Variants in OPRK1 observed in about 807,000 individuals in gnomAD.
The protein encoded by OPRK1 is opioid receptor kappa 1.
A neutral mutation model predicts 24.5 loss-of-function variants in OPRK1; 15 were observed. That is an observed-to-expected ratio of 0.61 (90% CI 0.41 to 0.94). OPRK1 has a LOEUF of 0.94. Ranked by LOEUF, OPRK1 falls within the 40% of genes least tolerant of loss-of-function variation. The probability of loss-of-function intolerance (pLI) is 0.00; values close to 1 mark genes in which losing one functional copy is unlikely to be tolerated. For missense variants in OPRK1, 479 were observed against 507.3 expected (o/e 0.94, Z 0.54); for synonymous variants, 205 against 198.0 (o/e 1.04, Z -0.30).
rs1806765731 is a variant in OPRK1 at position 53,228,429 on chromosome 8, C to T, written c.*868G>A. 6.6e-6 allele frequency: 1 copy of T among 152,172 alleles called. No individual in the cohort carries two copies. Among genetic ancestry groups the T allele is most frequent in the African/African-American group, 2.4e-5 (1 of 41,432 alleles). The allele number at this position is 152,172 out of a possible 1,614,324, so 9.4% of individuals were successfully genotyped here. On this transcript the variant is annotated 3_prime_UTR_variant, in exon 4 of 4. Transcript: ENST00000265572. The stretch of plus-strand genomic sequence containing the variant: ...GCAAAATGTCTCAGCATCAACTTAG[C>T]AACTCAGGGGATATCATTAGTGTGC...
intron 2 of OPRK1, among the ~76,000 whole-genome samples, chr8:53,241,298 C>A (rs1237157905): frequency 6.6e-6 from 1 of 152,130 alleles, no homozygotes. Context: ...CTAAATTTTT[C>A]AGTCAGTTTC....
At chr8:53,242,770 T>G in intron 2 of OPRK1, 1 of 1,166,014 alleles carries the variant, frequency 8.6e-7, no homozygotes, top group South Asian at 1.6e-5. Context: ...CCTCCCAAAG[T>G]GCTGGGATTA....
intron 3 of OPRK1, among the ~76,000 whole-genome samples, chr8:53,233,462 A>G (rs549613958): frequency 1.8e-4 from 27 of 152,330 alleles, no homozygotes; most frequent in African/African-American, 6.5e-4. Context: ...AAGACAAGCT[A>G]TGATTTTAGT....
chr8:53,235,497 G>A (rs1308781028), intron 2 of OPRK1, among the ~76,000 whole-genome samples: 1 of 150,504 alleles, frequency 6.6e-6, no homozygotes, highest in Non-Finnish European at 1.5e-5. Context: ...CATTCTCTTT[G>A]ACTTGTTTAA....
chr8:53,242,915 G>A (rs1192259248), intron 2 of OPRK1: 2 of 1,288,126 alleles, frequency 1.6e-6, no homozygotes, highest in African/African-American at 3.0e-5. Context: ...ATTCCAACCT[G>A]TTTGGCCAAT....
Position 53,229,314 on chromosome 8 carries a change from T to C in OPRK1, c.1126A>G (p.Met376Val). Residue 376 changes from methionine (M) to valine (V), a missense_variant, in exon 4 of 4, where the codon ATG becomes GTG. Transcript: ENST00000265572. ...DPAYLRDIDG[M>V]NKPV Reference sequence around the variant, plus strand: ...ACGACTAGTCATACTGGTTTATTCATCCCATCGATGTCCCTCAGGTAAGCA... The same window carrying C: ...ACGACTAGTCATACTGGTTTATTCACCCCATCGATGTCCCTCAGGTAAGCA... 6.2e-7 allele frequency: 1 copy of C among 1,613,832 alleles called. No homozygotes were observed. Among genetic ancestry groups the C allele is most frequent in the South Asian group, 1.1e-5 (1 of 91,028 alleles).
At position 53,229,423 on chromosome 8, in the gene OPRK1, C is replaced by A; in HGVS notation, c.1017G>T (p.Arg339=). The A allele has an allele frequency of 6.2e-7, 1 of 1,614,206 alleles. No individual in the cohort carries two copies. The highest frequency in any genetic ancestry group is 8.5e-7 in the Non-Finnish European group (1 of 1,180,044). The change falls in exon 4 of 4, where the codon CGG becomes CGT. Residue 339 remains arginine, a synonymous_variant. Coordinates refer to ENST00000265572, the MANE Select transcript of OPRK1 (RefSeq NM_000912.5). ...LYAFLDENFK[R]CFRDFCFPLK... Reference sequence around the variant, plus strand: ...GTGGAAAGCAGAAGTCCCGGAAACACCGCTTGAAGTTTTCATCAAGAAAGG... The same window carrying A: ...GTGGAAAGCAGAAGTCCCGGAAACAACGCTTGAAGTTTTCATCAAGAAAGG...
At chr8:53,235,255 G>A (rs1319590628) in intron 2 of OPRK1, 144 bp from the exon 3 acceptor site, 2 of 633,470 alleles carry the variant, frequency 3.2e-6, no homozygotes, top group African/African-American at 3.7e-5. Context: ...CATGTAAATG[G>A]ACTGTTCTAG....
At chr8:53,238,747 A>C in intron 2 of OPRK1, 3 of 983,218 alleles carry the variant, frequency 3.1e-6, no homozygotes, top group Non-Finnish European at 3.6e-6. Flanking sequence ...AACCAGTGTC[A>C]CCAGGCAGGG....
intron 2 of OPRK1, among the ~76,000 whole-genome samples, chr8:53,235,449 G>C (rs1400481348): frequency 2.0e-5 from 3 of 152,142 alleles, no homozygotes; most frequent in Non-Finnish European, 4.4e-5. Context: ...ATCCTGCCCA[G>C]AGTCGCTTGG....
intron 2 of OPRK1, among the ~76,000 whole-genome samples, chr8:53,249,702 A>G (rs1807322647): frequency 1.3e-5 from 2 of 152,228 alleles, no homozygotes; most frequent in South Asian, 2.1e-4. Context: ...TTATGCTACC[A>G]TTCATGATAT....
At chr8:53,249,812 G>C (rs1807325788) in intron 2 of OPRK1, among the ~76,000 whole-genome samples, 1 of 152,128 alleles carries the variant, frequency 6.6e-6, no homozygotes, top group Non-Finnish European at 1.5e-5. Context: ...TAGCCAGGGT[G>C]ACTTGCATCC....
At chr8:53,230,666 C>T (rs1281586075) in intron 3 of OPRK1, among the ~76,000 whole-genome samples, 1 of 152,128 alleles carries the variant, frequency 6.6e-6, no homozygotes, top group African/African-American at 2.4e-5. Flanking sequence ...AGACCAGGGA[C>T]TCAGGATGGA....
chr8:53,247,113 G>C (rs1315093182), intron 2 of OPRK1, among the ~76,000 whole-genome samples: 1 of 152,230 alleles, frequency 6.6e-6, no homozygotes, highest in Admixed American at 6.5e-5. Flanking sequence ...AGTACAAGAA[G>C]GCAGGACACT....
At position 53,228,418 on chromosome 8, in the gene OPRK1, C is replaced by T. The variant is rs1806765555; in HGVS notation, c.*879G>A. Reference sequence around the variant, plus strand: ...ACTAATTCCCAGCAAAATGTCTCAGCATCAACTTAGCAACTCAGGGGATAT... The same window carrying T: ...ACTAATTCCCAGCAAAATGTCTCAGTATCAACTTAGCAACTCAGGGGATAT... On this transcript the variant is annotated 3_prime_UTR_variant, in exon 4 of 4. Transcript: ENST00000265572. The T allele has an allele frequency of 6.6e-6, 1 of 152,216 alleles. No homozygotes were observed. The highest frequency in any genetic ancestry group is 2.1e-4 in the South Asian group (1 of 4,830). The allele number at this position is 152,216 out of a possible 1,614,324, so 9.4% of individuals were successfully genotyped here.
In OPRK1 at chr8:53,250,855, G is replaced by A; in HGVS notation, c.183C>T (p.Ile61=). The change falls in exon 2 of 4, where the codon ATC becomes ATT. Residue 61 remains isoleucine (I), a synonymous_variant. Transcript: ENST00000265572. ...PAHISPAIPV[I]ITAVYSVVFV... is the part of the protein sequence containing the mutation. ...ACACTACGGAGTAGACCGCCGTGAT[G>A]ATGACCGGGATGGCCGGGGAGATGT... is the stretch of plus-strand genomic sequence containing the variant. The A allele has an allele frequency of 6.2e-7, 1 of 1,613,494 alleles. No homozygotes were observed. The highest frequency in any genetic ancestry group is 8.5e-7 in the Non-Finnish European group (1 of 1,179,746).
At chr8:53,245,520 G>C (rs1807208518) in intron 2 of OPRK1, among the ~76,000 whole-genome samples, 1 of 152,196 alleles carries the variant, frequency 6.6e-6, no homozygotes, top group Admixed American at 6.5e-5. Flanking sequence ...AGCAAACTAA[G>C]GGAGGCTCTA....
chr8:53,238,773 G>T, intron 2 of OPRK1: 1 of 924,366 alleles, frequency 1.1e-6, no homozygotes, highest in Non-Finnish European at 1.3e-6. Context: ...GGGAGGACGT[G>T]ACACTCACCA....
At chr8:53,230,931 A>G (rs1462408407) in intron 3 of OPRK1, among the ~76,000 whole-genome samples, 1 of 152,238 alleles carries the variant, frequency 6.6e-6, no homozygotes, top group Non-Finnish European at 1.5e-5. Context: ...AAATAGCAAA[A>G]CAGCTCTATT....
Sources: allele counts gnomAD v4.1 joint callset (sites outside exome capture counted in the v4.1 genomes callset), GRCh38; gene constraint gnomAD v4.1.1; transcripts MANE v1.5; gene names NCBI Gene and HGNC (gene_info 2026-07-23, HGNC 2026-07-21).